Variants in SNX3 observed in about 807,000 individuals in gnomAD.
SNX3 encodes the protein sorting nexin-3.
SNX3 carries 5 observed loss-of-function variants against 17.7 expected under a neutral mutation model. That is an observed-to-expected ratio of 0.28 (90% CI 0.15 to 0.59). The LOEUF is 0.59. SNX3 is among the 20% of genes least tolerant of loss of function. SNX3 has a pLI of 0.88. For synonymous variants in SNX3, 91 were observed against 76.5 expected, an observed-to-expected ratio of 1.19 and a Z score of -0.99; for missense variants, 132 against 206.8, an observed-to-expected ratio of 0.64 and a Z score of 2.22.
intron 1 of SNX3, among the ~76,000 whole-genome samples, chr6:108,243,255 A>G (rs989418040): frequency 2.0e-5 from 3 of 151,750 alleles, no homozygotes; most frequent in Non-Finnish European, 4.4e-5. Flanking sequence ...ATAGGCACAA[A>G]CCACTGCACC....
chr6:108,233,148 T>C lies in SNX3; in HGVS notation c.163-10103A>G, dbSNP rs570802289. On this transcript the variant is annotated intron_variant, in intron 1 of 3. Coordinates refer to ENST00000230085, the MANE Select transcript of SNX3 (RefSeq NM_003795.6). ...CATAAACCAAGGAATTCCAGATACT[T>C]TTCCTACATTGTCCATATTCTTCAT... Among the ~76,000 whole-genome samples, 137 of 152,346 alleles carry C rather than the reference T, an allele frequency of 9.0e-4. 2 individuals carry two copies. Among genetic ancestry groups the C allele is most frequent in the African/African-American group, 3.1e-3 (131 of 41,594 alleles).
At chr6:108,220,406 T>A (rs1218167075) in intron 2 of SNX3, among the ~76,000 whole-genome samples, 9 of 152,134 alleles carry the variant, frequency 5.9e-5, no homozygotes, top group African/African-American at 1.9e-4. Context: ...TTTTACCATA[T>A]CTTTTATATG....
At chr6:108,233,592 T>C (rs1775233742) in intron 1 of SNX3, among the ~76,000 whole-genome samples, 1 of 152,040 alleles carries the variant, frequency 6.6e-6, no homozygotes, top group South Asian at 2.1e-4. Flanking sequence ...CTACTAAAAA[T>C]ACAAAAATTA....
At chr6:108,212,456 G>C (rs1303526558) in intron 3 of SNX3, among the ~76,000 whole-genome samples, 1 of 151,912 alleles carries the variant, frequency 6.6e-6, no homozygotes, top group Non-Finnish European at 1.5e-5. Context: ...TCGTGCCTCA[G>C]CCCCCTGAGT....
intron 1 of SNX3, among the ~76,000 whole-genome samples, chr6:108,259,527 C>T (rs532141869): frequency 6.6e-6 from 1 of 152,166 alleles, no homozygotes; most frequent in Admixed American, 6.5e-5. Context: ...CCACCGCGCC[C>T]GGCCTATGAT....
chr6:108,242,669 T>C (rs980932348), intron 1 of SNX3, among the ~76,000 whole-genome samples: 12 of 152,322 alleles, frequency 7.9e-5, no homozygotes, highest in Non-Finnish European at 1.2e-4. Flanking sequence ...GTCACTTCCA[T>C]AATTAGGTTA....
At chr6:108,242,765 TCTTGA>T (rs1262346070) in intron 1 of SNX3, among the ~76,000 whole-genome samples, 2 of 152,184 alleles carry the variant, frequency 1.3e-5, no homozygotes, top group African/African-American at 4.8e-5. Context: ...TTGTGAGTAG[TCTTGA>T]CTTAATTAGG....
intron 1 of SNX3, among the ~76,000 whole-genome samples, chr6:108,235,404 A>G (rs558278825): frequency 9.2e-5 from 14 of 152,328 alleles, no homozygotes; most frequent in Non-Finnish European, 2.1e-4. Flanking sequence ...ACAAGCCATG[A>G]CTTCAAGACC....
intron 2 of SNX3, among the ~76,000 whole-genome samples, chr6:108,222,052 C>T (rs946992220): frequency 2.6e-5 from 4 of 152,064 alleles, no homozygotes; most frequent in African/African-American, 7.2e-5. Flanking sequence ...CCACCATGCC[C>T]GGCCTTCTTT....
intron 1 of SNX3, among the ~76,000 whole-genome samples, chr6:108,234,348 T>G (rs1043612064): frequency 1.3e-4 from 19 of 150,620 alleles, no homozygotes; most frequent in Admixed American, 1.2e-3. Context: ...AGGTCAGGAG[T>G]TCAAGACCAG....
chr6:108,223,497 C>CTTTTTTT lies in SNX3; in HGVS notation c.163-459_163-453dup, dbSNP rs59920022. On this transcript the variant is annotated intron_variant, in intron 1 of 3. Transcript: ENST00000230085. ...ATAACAAAATAAAACTTTGCTAGTT[C>CTTTTTTT]TTTTTTTTTTTTTTTTTTTTTTTTT... Among the ~76,000 whole-genome samples the CTTTTTTT allele has an allele frequency of 6.8e-3, 750 of 110,306 alleles. 139 individuals carry two copies. Among genetic ancestry groups the CTTTTTTT allele is most frequent in the African/African-American group, 0.03 (713 of 23,734 alleles). The allele number at this position is 110,306 out of a possible 152,430, so 72.4% of individuals were successfully genotyped here. A position where few individuals can be genotyped will look rare whatever the true frequency, so the allele number is the denominator to read the frequency against.
chr6:108,247,828 T>A (rs1484023640), intron 1 of SNX3, among the ~76,000 whole-genome samples: 7 of 152,106 alleles, frequency 4.6e-5, no homozygotes, highest in East Asian at 1.9e-4. Context: ...CCGGGTGTGG[T>A]GGCTCATGCC....
At chr6:108,237,726 T>G (rs539407467) in intron 1 of SNX3, among the ~76,000 whole-genome samples, 42 of 150,986 alleles carry the variant, frequency 2.8e-4, no homozygotes, top group Non-Finnish European at 4.9e-4. Context: ...GAGGCGGAGA[T>G]TGCAGTGAGC....
intron 1 of SNX3, among the ~76,000 whole-genome samples, chr6:108,227,372 A>G (rs988707200): frequency 6.6e-6 from 1 of 152,166 alleles, no homozygotes; most frequent in African/African-American, 2.4e-5. Flanking sequence ...GGAAGTCTAT[A>G]AAGTTAATCT....
chr6:108,223,011 G>T lies in SNX3; in HGVS notation c.197C>A (p.Thr66Asn). ...AAAGTCACTGTATCTTCTTCTAACA[G>T]TAGATTCTTTCAGCTTGAAAATAGG... is the stretch of plus-strand genomic sequence containing the variant. Reference protein sequence around the residue: ...NLPIFKLKESTVRRRYSDFEW... With the variant: ...NLPIFKLKESNVRRRYSDFEW... Residue 66 changes from threonine (T) to asparagine (N), a missense_variant, in exon 2 of 4, where the codon ACT (threonine) becomes AAT (asparagine). This residue lies in a region of SNX3 where 78 missense variants were observed against 88.8 expected (regional missense o/e 0.88). Transcript: ENST00000230085. The T allele has an allele frequency of 6.2e-7, 1 of 1,607,234 alleles. No individual in the cohort carries two copies. Among genetic ancestry groups the T allele is most frequent in the Non-Finnish European group, 8.5e-7 (1 of 1,175,814 alleles).
At chr6:108,260,501 T>C (rs1776157491) in intron 1 of SNX3, among the ~76,000 whole-genome samples, 1 of 152,236 alleles carries the variant, frequency 6.6e-6, no homozygotes, top group Non-Finnish European at 1.5e-5. Flanking sequence ...GATCAGCTGC[T>C]GGAGGGGCAA....
chr6:108,260,623 C>G (rs1182062782), intron 1 of SNX3, 137 bp downstream of exon 1: 11 of 953,712 alleles, frequency 1.2e-5, no homozygotes, highest in Non-Finnish European at 1.7e-5. Context: ...CCCTGGCTCA[C>G]GACCCCGGCC....
At chr6:108,212,301 G>T (rs754326149) in intron 3 of SNX3, 47 bp from the exon 4 acceptor site, 1 of 1,312,226 alleles carries the variant, frequency 7.6e-7, no homozygotes, top group African/African-American at 1.5e-5. Context: ...ATACAAGGTG[G>T]GGGAGTTCAA....
At chr6:108,228,274 C>T (rs571217248) in intron 1 of SNX3, among the ~76,000 whole-genome samples, 38 of 152,074 alleles carry the variant, frequency 2.5e-4, no homozygotes, top group African/African-American at 8.7e-4. Context: ...GCAGGCTGGG[C>T]GTGGTGGCTC....
Sources: gnomAD v4.1 joint callset for allele counts (sites outside exome capture counted in the v4.1 genomes callset) on GRCh38, gnomAD v4.1.1 for gene constraint, gnomAD v4.1.1 regional missense constraint, MANE v1.5 for transcripts, NCBI Gene and HGNC (gene_info 2026-07-23, HGNC 2026-07-21) for gene names.